The following PTK2B variants were observed in gnomAD, a reference collection of about 807,000 sequenced individuals.
PTK2B encodes protein tyrosine kinase 2 beta.
A neutral mutation model predicts 142.9 loss-of-function variants in PTK2B; 71 were observed. The observed-to-expected ratio is 0.50, with a 90% CI of 0.41 to 0.61. PTK2B has a LOEUF of 0.61. Ranked by LOEUF, PTK2B falls within the 20% of genes least tolerant of loss-of-function variation. PTK2B has a pLI of 0.00. For synonymous variants in PTK2B, 519 were observed against 503.4 expected (o/e 1.03, Z -0.42); for missense variants, 1,105 against 1,320.4 (o/e 0.84, Z 2.53).
At chr8:27,337,210 A>G (rs1804126271) in intron 1 of PTK2B, among the ~76,000 whole-genome samples, 1 of 151,980 alleles carries the variant, frequency 6.6e-6, no homozygotes, top group Non-Finnish European at 1.5e-5. Context: ...GTATCAGCTC[A>G]CTGCAACCTC....
upstream of PTK2B, chr8:27,311,212 G>A: frequency 3.2e-6 from 5 of 1,569,330 alleles, no homozygotes; most frequent in Non-Finnish European, 4.3e-6. Flanking sequence ...AAGGCCCGGG[G>A]GACACGTCGG....
chr8:27,311,423 C>A, upstream of PTK2B: 1 of 715,468 alleles, frequency 1.4e-6, no homozygotes. Flanking sequence ...CTCGGAGGAG[C>A]CCCACCCACT....
intron 10 of PTK2B, 55 bp from the exon 11 acceptor site, chr8:27,433,380 G>T (rs1810563847): frequency 2.7e-6 from 4 of 1,463,138 alleles, no homozygotes; most frequent in African/African-American, 1.4e-5. Context: ...AGCCCTGGGG[G>T]TGGTCTCTAG....
At chr8:27,427,905 C>T (rs1810183063) in intron 5 of PTK2B, among the ~76,000 whole-genome samples, 2 of 152,182 alleles carry the variant, frequency 1.3e-5, no homozygotes, top group South Asian at 4.1e-4. Context: ...TTTTTCCATG[C>T]ACCCTGGTTG....
intron 1 of PTK2B, among the ~76,000 whole-genome samples, chr8:27,381,504 A>G (rs1429205076): frequency 1.3e-5 from 2 of 152,226 alleles, no homozygotes; most frequent in African/African-American, 2.4e-5. Flanking sequence ...GTTGTTGTGA[A>G]TGACAAGATT....
chr8:27,384,878 C>T (rs1807246846), intron 1 of PTK2B, among the ~76,000 whole-genome samples: 2 of 152,156 alleles, frequency 1.3e-5, no homozygotes, highest in South Asian at 4.1e-4. Flanking sequence ...CATCTAACAG[C>T]AACGTTTTAC....
intron 22 of PTK2B, among the ~76,000 whole-genome samples, chr8:27,443,710 T>C (rs1001561480): frequency 5.9e-5 from 9 of 152,176 alleles, no homozygotes; most frequent in African/African-American, 1.9e-4. Flanking sequence ...GGCTTCAACA[T>C]GCAAATTGAA....
intron 23 of PTK2B, among the ~76,000 whole-genome samples, chr8:27,445,324 G>T (rs1811398151): frequency 6.6e-6 from 1 of 152,150 alleles, no homozygotes; most frequent in South Asian, 2.1e-4. Flanking sequence ...GAGGCAAGAG[G>T]ATTACTTGAG....
intron 1 of PTK2B, among the ~76,000 whole-genome samples, chr8:27,347,916 C>G (rs890057499): frequency 3.1e-4 from 47 of 152,224 alleles, no homozygotes; most frequent in Admixed American, 2.7e-3. Context: ...TTCCAAGAAG[C>G]TCTCATGCCA....
At chr8:27,458,162 C>T in intron 30 of PTK2B, 132 bp from the exon 31 acceptor site, 1 of 862,446 alleles carries the variant, frequency 1.2e-6, no homozygotes, top group Non-Finnish European at 1.8e-6. Context: ...CAGCCCTCTC[C>T]TAGGTCTGAT....
upstream of PTK2B, among the ~76,000 whole-genome samples, chr8:27,322,181 T>G (rs901761148): frequency 1.1e-4 from 17 of 152,190 alleles, no homozygotes; most frequent in Non-Finnish European, 2.5e-4. Flanking sequence ...CCATTTTTTT[T>G]GTTAGAATAC....
At chr8:27,396,064 C>T (rs1586231035) in intron 1 of PTK2B, 1 of 152,166 alleles carries the variant, frequency 6.6e-6, no homozygotes, top group Non-Finnish European at 1.5e-5. Context: ...AGGTCTTATG[C>T]CACATTTTGC....
At chr8:27,329,319 G>A (rs1051524416) in intron 1 of PTK2B, among the ~76,000 whole-genome samples, 46 of 152,208 alleles carry the variant, frequency 3.0e-4, no homozygotes, top group Non-Finnish European at 5.1e-4. Context: ...TTGCAGATCC[G>A]GCCATGTTTC....
At chr8:27,420,100 A>G in intron 3 of PTK2B, 27 bp downstream of exon 3, 1 of 1,611,292 alleles carries the variant, frequency 6.2e-7, no homozygotes, top group Non-Finnish European at 8.5e-7. Context: ...GGGCTCTGGA[A>G]GTGGGAAGGA....
chr8:27,428,454 C>T (rs188596595), intron 5 of PTK2B, among the ~76,000 whole-genome samples: 1 of 152,246 alleles, frequency 6.6e-6, no homozygotes, highest in South Asian at 2.1e-4. Flanking sequence ...CCATTGCTTA[C>T]CTCCCTCTGT....
intron 2 of PTK2B, among the ~76,000 whole-genome samples, chr8:27,401,329 G>A (rs1808375776): frequency 6.6e-6 from 1 of 152,184 alleles, no homozygotes; most frequent in Admixed American, 6.5e-5. Context: ...AGGAAATAGT[G>A]GCTGGTAGTG....
At chr8:27,397,829 C>G (rs764900629) in intron 2 of PTK2B, 41 bp downstream of exon 2, 1 of 1,603,404 alleles carries the variant, frequency 6.2e-7, no homozygotes, top group Non-Finnish European at 8.5e-7. Context: ...GTCTGTCCCT[C>G]TGTCTTCTTC....
intron 1 of PTK2B, among the ~76,000 whole-genome samples, chr8:27,366,023 G>C (rs1017593681): frequency 1.3e-5 from 2 of 152,228 alleles, no homozygotes; most frequent in African/African-American, 4.8e-5. Context: ...CTGGCAGCCA[G>C]CCCTGGCACA....
In PTK2B at chr8:27,430,725, T is replaced by C. The variant is rs964022776; in HGVS notation, c.670-151T>C. The C allele has an allele frequency of 5.8e-5, 68 of 1,170,908 alleles. 1 individual carries two copies. Among genetic ancestry groups the C allele is most frequent in the South Asian group, 7.6e-5 (5 of 66,108 alleles). 72.5% of individuals were successfully genotyped at this position (1,170,908 alleles called of 1,614,324 possible). ...GGAGTCTCCCTTGAGACAATGGGTA[T>C]GGGTTTTAGGTCATAGATCACAGCT... On this transcript the variant is annotated intron_variant, in intron 7 of 30. Transcript: ENST00000346049.
Sources: allele counts gnomAD v4.1 joint callset (sites outside exome capture counted in the v4.1 genomes callset), GRCh38; gene constraint gnomAD v4.1.1; transcripts MANE v1.5; gene names NCBI Gene and HGNC (gene_info 2026-07-23, HGNC 2026-07-21).